AUH: variants seen among roughly 807,000 people sequenced by gnomAD.
AUH encodes methylglutaconyl-CoA hydratase, mitochondrial.
In AUH, 29 loss-of-function variants were observed where a neutral mutation model predicts 42.3. That is an observed-to-expected ratio of 0.69 (90% confidence interval 0.51 to 0.93). The LOEUF (loss-of-function observed/expected upper bound fraction) is 0.93. Ranked by LOEUF, AUH falls within the 40% of genes least tolerant of loss-of-function variation. The pLI is 0.00. For synonymous variants in AUH, 174 were observed against 166.4 expected (o/e 1.05, Z -0.35); for missense variants, 452 against 438.1 (o/e 1.03, Z -0.28).
At chr9:91,301,079 CTTTTT>C (rs550127966) in intron 4 of AUH, among the ~76,000 whole-genome samples, 2 of 152,012 alleles carry the variant, frequency 1.3e-5, no homozygotes, top group African/African-American at 4.8e-5. Context: ...GCCTACTTTT[CTTTTT>C]TTTATTAACT....
intron 4 of AUH, among the ~76,000 whole-genome samples, chr9:91,320,079 T>C (rs1226854452): frequency 6.6e-6 from 1 of 152,240 alleles, no homozygotes; most frequent in Non-Finnish European, 1.5e-5. Flanking sequence ...ATGACATGGA[T>C]ACATCACAGC....
At chr9:91,349,935 A>G (rs909651488) in intron 3 of AUH, among the ~76,000 whole-genome samples, 1 of 152,226 alleles carries the variant, frequency 6.6e-6, no homozygotes, top group Non-Finnish European at 1.5e-5. Context: ...GAAAGAATAC[A>G]CAACAGTGAT....
At chr9:91,355,855 A>C in intron 3 of AUH, 28 bp downstream of exon 3, 2 of 1,572,332 alleles carry the variant, frequency 1.3e-6, no homozygotes, top group Non-Finnish European at 1.8e-6. Flanking sequence ...ACTACAGTTT[A>C]ATTTCATAAT....
chr9:91,327,623 C>G (rs531543643), intron 3 of AUH, among the ~76,000 whole-genome samples: 1 of 152,132 alleles, frequency 6.6e-6, no homozygotes, highest in African/African-American at 2.4e-5. Flanking sequence ...TCCTCTTGGT[C>G]GCGGGACAAG....
rs111410908 is a variant in AUH at position 91,354,950 on chromosome 9, T to C, written c.418+933A>G. On this transcript the variant is annotated intron_variant, in intron 3 of 9. Transcript: ENST00000375731. ...AAAAACAAAGAACTCAAAATATACA[T>C]AAAACCCTTATAAGCACTCCTACTA... Among the ~76,000 whole-genome samples the C allele has an allele frequency of 3.1e-3, 468 of 152,166 alleles. 5 individuals carry two copies. Among genetic ancestry groups the C allele is most frequent in the African/African-American group, 0.01 (434 of 41,502 alleles).
intron 6 of AUH, among the ~76,000 whole-genome samples, chr9:91,253,023 G>C (rs912327516): frequency 6.6e-6 from 1 of 152,134 alleles, no homozygotes; most frequent in Non-Finnish European, 1.5e-5. Flanking sequence ...ACTCTTCAGA[G>C]AATAATTCAT....
chr9:91,223,516 A>C (rs1827253635), intron 6 of AUH, among the ~76,000 whole-genome samples: 1 of 152,204 alleles, frequency 6.6e-6, no homozygotes, highest in South Asian at 2.1e-4. Context: ...ATTGTGAATA[A>C]TGCTGCTATG....
chr9:91,313,080 G>GT (rs930249361), intron 4 of AUH, among the ~76,000 whole-genome samples: 1 of 151,930 alleles, frequency 6.6e-6, no homozygotes, highest in African/African-American at 2.4e-5. Flanking sequence ...GGGGGGGGTT[G>GT]TTTTTTTGGC....
chr9:91,220,685 AT>A, intron 7 of AUH, 119 bp downstream of exon 7: 1 of 1,005,200 alleles, frequency 9.9e-7, no homozygotes, highest in East Asian at 2.5e-5. Flanking sequence ...GAGCCCACGC[AT>A]CCCTTTACTT....
intron 4 of AUH, among the ~76,000 whole-genome samples, chr9:91,309,759 C>T (rs563862310): frequency 2.8e-4 from 42 of 152,282 alleles, no homozygotes; most frequent in Admixed American, 6.5e-4. Context: ...CCAAACTCAC[C>T]ATTACACAAT....
intron 3 of AUH, among the ~76,000 whole-genome samples, chr9:91,326,806 T>C (rs979671048): frequency 6.6e-6 from 1 of 152,180 alleles, no homozygotes; most frequent in Non-Finnish European, 1.5e-5. Flanking sequence ...GCCTGATACA[T>C]GTCTTTGTAA....
chr9:91,318,249 A>G (rs925092997), intron 4 of AUH, among the ~76,000 whole-genome samples: 5 of 152,164 alleles, frequency 3.3e-5, no homozygotes, highest in Admixed American at 6.5e-5. Context: ...AAAGTTTACT[A>G]TAAGAATTGG....
At chr9:91,315,441 T>C (rs1307354261) in intron 4 of AUH, among the ~76,000 whole-genome samples, 3 of 152,246 alleles carry the variant, frequency 2.0e-5, no homozygotes, top group Non-Finnish European at 4.4e-5. Flanking sequence ...CATACATTCC[T>C]GTTCCCTTTA....
At chr9:91,267,119 T>A (rs1830016628) in intron 6 of AUH, among the ~76,000 whole-genome samples, 1 of 152,138 alleles carries the variant, frequency 6.6e-6, no homozygotes, top group Non-Finnish European at 1.5e-5. Context: ...GAACTAGCAA[T>A]GCATGCCCTA....
intron 3 of AUH, among the ~76,000 whole-genome samples, chr9:91,336,672 T>A (rs1157785478): frequency 1.4e-5 from 2 of 143,160 alleles, no homozygotes; most frequent in Non-Finnish European, 1.5e-5. Context: ...TCACACAGAC[T>A]CGGTCTCCAG....
intron 6 of AUH, chr9:91,294,642 C>T: frequency 2.2e-6 from 1 of 451,654 alleles, no homozygotes; most frequent in Non-Finnish European, 4.4e-6. Flanking sequence ...AAATTGAAAA[C>T]CTTCTGGAAA....
At chr9:91,320,907 A>G (rs1403255159) in intron 4 of AUH, among the ~76,000 whole-genome samples, 1 of 152,220 alleles carries the variant, frequency 6.6e-6, no homozygotes, top group Non-Finnish European at 1.5e-5. Flanking sequence ...TTTTGACCTC[A>G]TGGTAAATTG....
intron 6 of AUH, among the ~76,000 whole-genome samples, chr9:91,265,390 G>T (rs189734083): frequency 5.6e-4 from 84 of 149,912 alleles, no homozygotes; most frequent in African/African-American, 1.9e-3. Context: ...AAACCTAATA[G>T]CTCTTTTTTG....
At chr9:91,309,786 C>T (rs1255407471) in intron 4 of AUH, among the ~76,000 whole-genome samples, 1 of 152,154 alleles carries the variant, frequency 6.6e-6, no homozygotes, top group East Asian at 1.9e-4. Flanking sequence ...ATGTAACAAA[C>T]CTGCACATGT....
Sources: allele counts gnomAD v4.1 joint callset (sites outside exome capture counted in the v4.1 genomes callset), GRCh38; gene constraint gnomAD v4.1.1; transcripts MANE v1.5; gene names NCBI Gene and HGNC (gene_info 2026-07-23, HGNC 2026-07-21).